Variants in ALG6 observed in about 807,000 individuals in gnomAD.
The protein encoded by ALG6 is dolichyl pyrophosphate Man9GlcNAc2 alpha-1,3-glucosyltransferase.
In ALG6, 46 loss-of-function variants were observed where a neutral mutation model predicts 66.6. The ratio of observed to expected loss-of-function variants is 0.69; its 90% CI spans 0.55 to 0.88. ALG6 has a LOEUF of 0.88. Ranked by LOEUF, ALG6 falls within the 40% of genes least tolerant of loss-of-function variation. ALG6 has a pLI of 0.00. For missense variants in ALG6, 505 were observed against 586.8 expected (o/e 0.86, Z 1.44); for synonymous variants, 185 against 203.7 (o/e 0.91, Z 0.78).
intron 12 of ALG6, among the ~76,000 whole-genome samples, chr1:63,427,347 C>T (rs1644621053): frequency 6.6e-6 from 1 of 151,762 alleles, no homozygotes; most frequent in Non-Finnish European, 1.5e-5. Context: ...AGTTTATAAT[C>T]CCAGGGTTTA....
rs1221809142 is a variant in ALG6, at chr1:63,421,045, A to G, written c.1058+1605A>G. ...CTTCTTAGCTATCATTCTTAAAGAT[A>G]GACACTTATTAAAAAAAAAAAAGAA... On this transcript the variant is annotated intron_variant, in intron 12 of 14. Coordinates refer to ENST00000263440, the MANE Select transcript of ALG6 (RefSeq NM_013339.4). Among the ~76,000 whole-genome samples the G allele has an allele frequency of 2.0e-5, 3 of 151,986 alleles. No homozygotes were observed. The East Asian group carries it at 5.8e-4, about 29-fold the overall frequency.
intron 12 of ALG6, among the ~76,000 whole-genome samples, chr1:63,421,339 T>G (rs1161058275): frequency 1.3e-5 from 2 of 152,100 alleles, no homozygotes; most frequent in South Asian, 4.1e-4. Flanking sequence ...CTGGAGAGTT[T>G]GTGGAGAAAT....
chr1:63,400,158 C>T (rs1434488929), intron 3 of ALG6, among the ~76,000 whole-genome samples: 2 of 135,974 alleles, frequency 1.5e-5, no homozygotes, highest in Non-Finnish European at 3.1e-5. Context: ...CGCAACATTG[C>T]ACTCCAGCCT....
chr1:63,421,239 C>T (rs956535240), intron 12 of ALG6, among the ~76,000 whole-genome samples: 1 of 152,082 alleles, frequency 6.6e-6, no homozygotes, highest in African/African-American at 2.4e-5. Context: ...AGTGCAATAG[C>T]GTGATCTTGG....
Position 63,411,249 on chromosome 1 carries a change from A to C in ALG6, c.598A>C (p.Lys200Gln), listed in dbSNP as rs1644514392. The C allele has an allele frequency of 6.2e-7, 1 of 1,614,016 alleles. No individual in the cohort carries two copies. The highest frequency in any genetic ancestry group is 2.2e-5 in the East Asian group (1 of 44,854). The change falls in exon 8 of 15, where the codon AAA becomes CAA. Residue 200 changes from lysine (K) to glutamine (Q), a missense_variant. Coordinates refer to ENST00000263440, the MANE Select transcript of ALG6 (RefSeq NM_013339.4). ...SLAFCLAINYKQMELYHALPF... is the reference protein window; with the variant it reads ...SLAFCLAINYQQMELYHALPF... ...GGCATTTTGCTTAGCTATAAATTATAAACAGATGGAACTTTACCACGCCTT... is the reference window on the plus strand; with the variant it reads ...GGCATTTTGCTTAGCTATAAATTATCAACAGATGGAACTTTACCACGCCTT...
At chr1:63,376,185 G>A (rs1648119994) in intron 2 of ALG6, among the ~76,000 whole-genome samples, 1 of 152,238 alleles carries the variant, frequency 6.6e-6, no homozygotes, top group African/African-American at 2.4e-5. Flanking sequence ...TTGCTCCTAG[G>A]CTACAAACCT....
intron 8 of ALG6, 112 bp downstream of exon 8, chr1:63,411,443 A>G: frequency 9.6e-7 from 1 of 1,040,134 alleles, no homozygotes; most frequent in East Asian, 2.6e-5. Context: ...TTTCTTATAA[A>G]TATTTTGGCT....
At chr1:63,417,472 A>G (rs1644551128) in intron 11 of ALG6, among the ~76,000 whole-genome samples, 1 of 152,132 alleles carries the variant, frequency 6.6e-6, no homozygotes, top group Non-Finnish European at 1.5e-5. Flanking sequence ...TGTTTTTGTT[A>G]ATCATGCTTT....
intron 12 of ALG6, among the ~76,000 whole-genome samples, chr1:63,425,567 GAC>G (rs1370939215): frequency 6.6e-6 from 1 of 152,192 alleles, no homozygotes; most frequent in Admixed American, 6.5e-5. Context: ...TCTAAGGAGA[GAC>G]AGAGTGTAAA....
chr1:63,406,492 G>A lies in ALG6; in HGVS notation c.429+93G>A, dbSNP rs1644490469. The A allele has an allele frequency of 1.4e-5, 15 of 1,092,562 alleles. No homozygotes were observed. In the East Asian group the frequency reaches 3.3e-4, roughly 24 times the overall value. The allele number at this position is 1,092,562 out of a possible 1,614,324, so 67.7% of individuals were successfully genotyped here. Reference sequence around the variant, plus strand: ...TAGACCTTAGAGAAGCCATGCTTTTGGAAAGAGAGTAATTAGGAATATTGT... The same window carrying A: ...TAGACCTTAGAGAAGCCATGCTTTTAGAAAGAGAGTAATTAGGAATATTGT... On this transcript the variant is annotated intron_variant, in intron 6 of 14. Transcript: ENST00000263440.
At chr1:63,371,871 G>A (rs1456799719) in intron 2 of ALG6, among the ~76,000 whole-genome samples, 1 of 151,822 alleles carries the variant, frequency 6.6e-6, no homozygotes, top group Non-Finnish European at 1.5e-5. Flanking sequence ...CCAAAGTGCT[G>A]GGATTACAGG....
At chr1:63,410,905 G>C (rs1161842423) in intron 7 of ALG6, among the ~76,000 whole-genome samples, 1 of 152,098 alleles carries the variant, frequency 6.6e-6, no homozygotes, top group Non-Finnish European at 1.5e-5. Flanking sequence ...CAAATCAGTT[G>C]CTGCTTAGCA....
At chr1:63,375,446 G>T (rs60439182) in intron 2 of ALG6, among the ~76,000 whole-genome samples, 5 of 123,506 alleles carry the variant, frequency 4.0e-5, no homozygotes, top group Non-Finnish European at 8.1e-5. Flanking sequence ...TTCCAGTAGA[G>T]ACAGGATTTC....
At chr1:63,416,733 A>T (rs965233891) in intron 11 of ALG6, among the ~76,000 whole-genome samples, 2 of 152,158 alleles carry the variant, frequency 1.3e-5, no homozygotes, top group Non-Finnish European at 2.9e-5. Context: ...CATTTTCTAC[A>T]GTTTAGGGTT....
At chr1:63,376,817 ATAT>A (rs1324601623) in intron 2 of ALG6, among the ~76,000 whole-genome samples, 1 of 152,080 alleles carries the variant, frequency 6.6e-6, no homozygotes, top group African/African-American at 2.4e-5. Context: ...CAATAACCCA[ATAT>A]TATTGTTTTG....
chr1:63,428,688 G>A (rs1644629712), intron 12 of ALG6, 45 bp from the exon 13 acceptor site: 2 of 1,330,556 alleles, frequency 1.5e-6, no homozygotes, highest in African/African-American at 1.5e-5. Context: ...AGGAGTTGAA[G>A]TTATATTCTG....
intron 12 of ALG6, among the ~76,000 whole-genome samples, chr1:63,425,164 C>T (rs9436669): frequency 0.05 from 7,626 of 152,132 alleles, 668 homozygotes; most frequent in African/African-American, 0.17. Flanking sequence ...AGGGCAATAA[C>T]TGGTAGAGAA....
intron 12 of ALG6, 197 bp from the exon 13 acceptor site, chr1:63,428,536 A>AC: frequency 2.2e-6 from 1 of 448,534 alleles, no homozygotes; most frequent in Non-Finnish European, 3.9e-6. Flanking sequence ...TGAGGAGTTG[A>AC]CACCTCTGTG....
At chr1:63,415,175 G>C (rs1644539787) in intron 10 of ALG6, among the ~76,000 whole-genome samples, 1 of 152,144 alleles carries the variant, frequency 6.6e-6, no homozygotes, top group Non-Finnish European at 1.5e-5. Flanking sequence ...CATTAGTTCA[G>C]CCTAGCCAAG....
Sources: allele counts gnomAD v4.1 joint callset (sites outside exome capture counted in the v4.1 genomes callset), GRCh38; gene constraint gnomAD v4.1.1; transcripts MANE v1.5; gene names NCBI Gene and HGNC (gene_info 2026-07-23, HGNC 2026-07-21).